ARHGEF10: variants seen among roughly 807,000 people sequenced by gnomAD.
ARHGEF10 encodes the protein Rho guanine nucleotide exchange factor (GEF) 10.
Under a neutral mutation model 147.4 loss-of-function variants are expected in ARHGEF10, and 140 were observed. The ratio of observed to expected loss-of-function variants is 0.95; its 90% confidence interval spans 0.83 to 1.09. The LOEUF (loss-of-function observed/expected upper bound fraction) is 1.09, where lower values mean the gene tolerates loss of function less well. Among genes scored for constraint, ARHGEF10 ranks in the 50% least tolerant of loss-of-function variants. The pLI is 0.00. For missense variants in ARHGEF10, 2,222 were observed against 1,752.7 expected (o/e 1.27, Z -4.78); for synonymous variants, 902 against 695.8 (o/e 1.30, Z -4.67).
chr8:1,956,067 C>G (rs1815540244), intron 28 of ARHGEF10, among the ~76,000 whole-genome samples: 1 of 152,222 alleles, frequency 6.6e-6, no homozygotes, highest in African/African-American at 2.4e-5. Flanking sequence ...AGGACACGTG[C>G]CCCTGTCCAT....
At position 1,850,165 on chromosome 8, in the gene ARHGEF10, C is replaced by T. The variant is rs1178930288; in HGVS notation, c.37+6729C>T. On this transcript the variant is annotated intron_variant, in intron 2 of 28. Transcript: ENST00000349830. ...AGGGTGTGGGGCGGCCACGTGGACA[C>T]AGAGGGCAAATGCTGAGGAGGGCGT... Among the ~76,000 whole-genome samples the T allele has an allele frequency of 1.8e-3, 224 of 124,504 alleles. 5 individuals are homozygous for T. The highest frequency in any genetic ancestry group is 6.5e-3 in the African/African-American group (207 of 32,032). The allele number at this position is 124,504 out of a possible 152,430, so 81.7% of individuals were successfully genotyped here.
intron 5 of ARHGEF10, 124 bp from the exon 6 acceptor site, chr8:1,866,402 A>ATATACAGGAAAT: frequency 1.2e-6 from 1 of 817,994 alleles, no homozygotes; most frequent in Non-Finnish European, 2.0e-6. Context: ...CCTGTATAGT[A>ATATACAGGAAAT]ACATATATAT....
intron 18 of ARHGEF10, among the ~76,000 whole-genome samples, chr8:1,909,680 C>G (rs540536270): frequency 2.2e-4 from 33 of 152,342 alleles, no homozygotes; most frequent in African/African-American, 6.5e-4. Context: ...CCACGTGCAG[C>G]TGGGGCTCCT....
chr8:1,897,761 T>C (rs1048764197), intron 14 of ARHGEF10, among the ~76,000 whole-genome samples: 1 of 152,174 alleles, frequency 6.6e-6, no homozygotes, highest in African/African-American at 2.4e-5. Context: ...GTACTCCCAT[T>C]AAGGATGCCA....
At chr8:1,861,544 G>C (rs976739339) in intron 4 of ARHGEF10, among the ~76,000 whole-genome samples, 2 of 152,220 alleles carry the variant, frequency 1.3e-5, no homozygotes, top group African/African-American at 4.8e-5. Context: ...TCTAATGGAA[G>C]CCCACAGCCT....
Position 1,890,169 on chromosome 8 carries a change from TGAGGGTTTGTGAGGAGACACTGAATA to T in ARHGEF10, c.1183-3398_1183-3373del, listed in dbSNP as rs1448715259. On this transcript the variant is annotated intron_variant, in intron 11 of 28. Transcript: ENST00000349830. Reference sequence around the variant, plus strand: ...GTTTGTGAGGAGACACTGAGTGGGGTGAGGGTTTGTGAGGAGACACTGAATAGGGTGAGGGTTGTGAAGAGACACTG... The same window carrying T: ...GTTTGTGAGGAGACACTGAGTGGGGTGGGTGAGGGTTGTGAAGAGACACTG... 7.3e-3 allele frequency among the ~76,000 whole-genome samples: 828 copies of T among 113,876 alleles called. 8 individuals carry two copies. The highest frequency in any genetic ancestry group is 0.027 in the African/African-American group (762 of 28,106). The allele number at this position is 113,876 out of a possible 152,430, so 74.7% of individuals were successfully genotyped here. A position where few individuals can be genotyped will look rare whatever the true frequency, so the allele number is the denominator to read the frequency against.
intron 18 of ARHGEF10, among the ~76,000 whole-genome samples, chr8:1,919,231 G>A (rs1445029419): frequency 4.6e-4 from 68 of 147,604 alleles, no homozygotes; most frequent in Middle Eastern, 3.8e-3. Flanking sequence ...GGGTGATGGA[G>A]CTGTTCTGTC....
intron 8 of ARHGEF10, among the ~76,000 whole-genome samples, chr8:1,878,672 C>T (rs530914062): frequency 6.6e-6 from 1 of 152,162 alleles, no homozygotes; most frequent in South Asian, 2.1e-4. Context: ...GGGCTGTGGA[C>T]AGAGGGGCCA....
intron 9 of ARHGEF10, 29 bp from the exon 10 acceptor site, chr8:1,882,606 C>T (rs1256920723): frequency 2.1e-5 from 32 of 1,538,548 alleles, no homozygotes; most frequent in Non-Finnish European, 2.8e-5. Context: ...TGCCGCCGTC[C>T]CGTTCTCACA....
intron 18 of ARHGEF10, among the ~76,000 whole-genome samples, chr8:1,912,169 G>A (rs77902369): frequency 0.025 from 3,818 of 151,928 alleles, 61 homozygotes; most frequent in South Asian, 0.041. Context: ...CTGCAAAAGC[G>A]CCGTGTCGAT....
At position 1,858,070 on chromosome 8, in the gene ARHGEF10, CCT is replaced by C. The variant is rs1805717281; in HGVS notation, c.149_150del (p.Pro50ArgfsTer9). The C allele has an allele frequency of 6.2e-7, 1 of 1,613,644 alleles. No individual in the cohort carries two copies. The highest frequency in any genetic ancestry group is 1.1e-5 in the South Asian group (1 of 91,022). On this transcript the variant is annotated frameshift_variant, in exon 3 of 29. Coordinates refer to ENST00000349830, the MANE Select transcript of ARHGEF10 (RefSeq NM_014629.4). LOFTEE classifies it high-confidence loss of function. ...AGCGGACAGACAGGCCCCATCCGCC[CCT>C]GAGACAGGAGGTGCTGGAGCCAGTG... The part of the protein sequence containing the change: ...PEADRQAPSA[P>X]ETGGAGASEA...
At chr8:1,898,366 G>A in intron 14 of ARHGEF10, 67 bp from the exon 15 acceptor site, 1 of 1,399,410 alleles carries the variant, frequency 7.1e-7, no homozygotes, top group East Asian at 2.3e-5. Flanking sequence ...TGGGGAGGAG[G>A]CGGCCCCAGG....
intron 18 of ARHGEF10, among the ~76,000 whole-genome samples, chr8:1,920,441 G>A (rs112682494): frequency 0.039 from 5,925 of 151,706 alleles, 180 homozygotes; most frequent in Middle Eastern, 0.1. Flanking sequence ...TCCTACTTCA[G>A]CCTCCCAAGT....
chr8:1,837,893 G>T (rs1803685254), intron 1 of ARHGEF10, among the ~76,000 whole-genome samples: 1 of 152,190 alleles, frequency 6.6e-6, no homozygotes, highest in African/African-American at 2.4e-5. Context: ...TCAAGGTGGT[G>T]AGGACTCGGG....
intron 2 of ARHGEF10, among the ~76,000 whole-genome samples, chr8:1,857,665 A>G (rs757581214): frequency 1.3e-4 from 19 of 151,828 alleles, no homozygotes; most frequent in East Asian, 1.9e-4. Flanking sequence ...TGATCTGCCC[A>G]CCTTGGCCTC....
In ARHGEF10 at chr8:1,925,395, G is replaced by T; in HGVS notation, c.2601G>T (p.Gln867His). The change falls in exon 22 of 29, where the codon CAG becomes CAT. Residue 867 changes from glutamine (Q) to histidine (H), a missense_variant. Transcript: ENST00000349830. ...TGCCCGTGATGGTGGCCAAGCAGCA[G>T]GAGTTCAAGGTGAAGGGAGGCAGGG... ...GHMPVMVAKQ[Q>H]EFKIECAAYN... is the part of the protein sequence containing the mutation. The T allele has an allele frequency of 6.2e-7, 1 of 1,614,128 alleles. No individual in the cohort carries two copies. Among genetic ancestry groups the T allele is most frequent in the South Asian group, 1.1e-5 (1 of 91,082 alleles).
chr8:1,886,276 G>T (rs1426068568), intron 11 of ARHGEF10, among the ~76,000 whole-genome samples: 1 of 152,212 alleles, frequency 6.6e-6, no homozygotes, highest in Non-Finnish European at 1.5e-5. Flanking sequence ...GCCTTTAGCA[G>T]CAGGGGCTGA....
chr8:1,945,735 C>A (rs1814526088), intron 27 of ARHGEF10, 80 bp downstream of exon 27: 1 of 1,564,766 alleles, frequency 6.4e-7, no homozygotes, highest in Non-Finnish European at 8.8e-7. Context: ...GTCAGCCCAC[C>A]TTAGCGCTTC....
intron 1 of ARHGEF10, among the ~76,000 whole-genome samples, chr8:1,832,785 GAGAGAGAC>G (rs1803257701): frequency 7.9e-6 from 1 of 125,952 alleles, no homozygotes; most frequent in African/African-American, 3.0e-5. Context: ...GGCAGAGACA[GAGAGAGAC>G]AGAGGCAGAG....
Sources: allele counts gnomAD v4.1 joint callset (sites outside exome capture counted in the v4.1 genomes callset), GRCh38; gene constraint gnomAD v4.1.1; transcripts MANE v1.5; gene names NCBI Gene and HGNC (gene_info 2026-07-23, HGNC 2026-07-21).